Variants in CLCN3 observed in about 807,000 individuals in gnomAD.
The protein encoded by CLCN3 is Cl-/H+ antiporter 3.
CLCN3 carries 16 observed loss-of-function variants against 83.4 expected under a neutral mutation model. That is an observed-to-expected ratio of 0.19 (90% CI 0.13 to 0.29). The LOEUF (loss-of-function observed/expected upper bound fraction) is 0.29, where lower values mean the gene tolerates loss of function less well. Among genes scored for constraint, CLCN3 ranks in the 10% least tolerant of loss-of-function variants. CLCN3 has a pLI of 1.00. For synonymous variants in CLCN3, 322 were observed against 346.2 expected (o/e 0.93, Z 0.78); for missense variants, 544 against 1,006.0 (o/e 0.54, Z 6.21).
intron 1 of CLCN3, among the ~76,000 whole-genome samples, chr4:169,634,847 C>T (rs979159386): frequency 2.5e-4 from 38 of 152,262 alleles, no homozygotes; most frequent in African/African-American, 8.9e-4. Context: ...CTCAAAACTT[C>T]ACCTTTTTCA....
At chr4:169,646,983 T>C (rs1401988253) in intron 2 of CLCN3, among the ~76,000 whole-genome samples, 1 of 152,226 alleles carries the variant, frequency 6.6e-6, no homozygotes, top group East Asian at 1.9e-4. Flanking sequence ...TCCTTTATGA[T>C]AATTTTAGCC....
intron 2 of CLCN3, among the ~76,000 whole-genome samples, chr4:169,661,083 A>G (rs1392135894): frequency 6.6e-6 from 1 of 150,822 alleles, no homozygotes. Flanking sequence ...AGAAAAAATA[A>G]TATTGGTTTG....
At chr4:169,634,771 G>C (rs1230166271) in intron 1 of CLCN3, among the ~76,000 whole-genome samples, 1 of 151,894 alleles carries the variant, frequency 6.6e-6, no homozygotes, top group Non-Finnish European at 1.5e-5. Flanking sequence ...TTTGACATTT[G>C]TTGTTCTTAC....
chr4:169,718,019 C>T (rs1165802947), intron 12 of CLCN3: 1 of 531,838 alleles, frequency 1.9e-6, no homozygotes, highest in Non-Finnish European at 3.4e-6. Context: ...TAAAATGTGT[C>T]TGTAAGATAA....
At chr4:169,623,092 T>TTG (rs1446692955) in intron 1 of CLCN3, among the ~76,000 whole-genome samples, 6 of 151,984 alleles carry the variant, frequency 3.9e-5, no homozygotes, top group African/African-American at 1.4e-4. Flanking sequence ...CCAGAGAGAT[T>TTG]TGATCTGCAA....
chr4:169,709,657 C>T (rs768217247), intron 11 of CLCN3, among the ~76,000 whole-genome samples: 12 of 147,306 alleles, frequency 8.1e-5, no homozygotes, highest in South Asian at 2.1e-4. Flanking sequence ...CCAGCCTGGG[C>T]GAAGAGCAAA....
At chr4:169,713,058 G>C in intron 11 of CLCN3, 21 bp from the exon 12 acceptor site, 2 of 1,589,696 alleles carry the variant, frequency 1.3e-6, no homozygotes, top group Non-Finnish European at 1.7e-6. Flanking sequence ...AAAAGTGTTG[G>C]TCTCTTCTCT....
intron 2 of CLCN3, among the ~76,000 whole-genome samples, chr4:169,672,258 A>ATAGATAGATAGG (rs1212913892): frequency 6.6e-6 from 1 of 152,002 alleles, no homozygotes; most frequent in Non-Finnish European, 1.5e-5. Flanking sequence ...AGATAGATAG[A>ATAGATAGATAGG]TAAAATGAGG....
chr4:169,670,455 G>T (rs1321359540), intron 2 of CLCN3, among the ~76,000 whole-genome samples: 1 of 152,116 alleles, frequency 6.6e-6, no homozygotes, highest in African/African-American at 2.4e-5. Flanking sequence ...TGAGGTCTTT[G>T]TTCTGTTCCG....
intron 6 of CLCN3, 45 bp downstream of exon 6, chr4:169,690,697 T>G (rs1335377928): frequency 6.4e-7 from 1 of 1,563,488 alleles, no homozygotes; most frequent in South Asian, 1.2e-5. Context: ...ATTATGATGC[T>G]TATCTTTTTG....
chr4:169,666,844 A>G (rs1025478524), intron 2 of CLCN3, among the ~76,000 whole-genome samples: 14 of 152,164 alleles, frequency 9.2e-5, no homozygotes, highest in Admixed American at 2.6e-4. Flanking sequence ...GGAGATAATA[A>G]TATCTGTCAC....
intron 1 of CLCN3, among the ~76,000 whole-genome samples, chr4:169,634,775 T>A (rs1208772407): frequency 6.6e-6 from 1 of 152,192 alleles, no homozygotes; most frequent in African/African-American, 2.4e-5. Flanking sequence ...ACATTTGTTG[T>A]TCTTACACTG....
chr4:169,636,583 CTT>C (rs1482312475), intron 2 of CLCN3, among the ~76,000 whole-genome samples: 5 of 152,094 alleles, frequency 3.3e-5, no homozygotes, highest in Admixed American at 6.6e-5. Context: ...ACTGTGTACT[CTT>C]TTATGTCTGT....
intron 12 of CLCN3, 40 bp downstream of exon 12, chr4:169,713,335 T>C (rs1339275123): frequency 8.8e-6 from 13 of 1,472,678 alleles, no homozygotes; most frequent in Non-Finnish European, 1.1e-5. Context: ...CTTGCTAGAA[T>C]ATAGGATCCT....
chr4:169,672,432 G>T (rs573469285), intron 2 of CLCN3, among the ~76,000 whole-genome samples: 1 of 151,774 alleles, frequency 6.6e-6, no homozygotes, highest in African/African-American at 2.4e-5. Context: ...GAGTCACCAC[G>T]CCCAGCCTTT....
chr4:169,622,684 C>T (rs1467230498), intron 1 of CLCN3, among the ~76,000 whole-genome samples: 3 of 152,154 alleles, frequency 2.0e-5, no homozygotes, highest in Non-Finnish European at 2.9e-5. Flanking sequence ...GTTTTACATT[C>T]GTAGAAACTG....
chr4:169,679,107 G>A (rs898488674), intron 2 of CLCN3, among the ~76,000 whole-genome samples: 4 of 151,262 alleles, frequency 2.6e-5, no homozygotes, highest in African/African-American at 9.7e-5. Flanking sequence ...GGCGGCTGCC[G>A]GGCGGAGGGG....
intron 2 of CLCN3, among the ~76,000 whole-genome samples, chr4:169,650,847 A>G (rs1730711154): frequency 6.6e-6 from 1 of 152,178 alleles, no homozygotes; most frequent in Admixed American, 6.5e-5. Context: ...TTAACCTATT[A>G]TACTTATATG....
Position 169,680,076 on chromosome 4 carries a change from G to A in CLCN3, c.187G>A (p.Gly63Ser). ...VGTHYTMTNG[G>S]SINSSTHLLD... The stretch of plus-strand genomic sequence containing the variant: ...AACTCATTATACAATGACAAATGGA[G>A]GCAGCATTAACAGTTCTACACATTT... Residue 63 changes from glycine (G) to serine (S), a missense_variant, in exon 3 of 13, where the codon GGC becomes AGC. Physicochemically the swap from Gly to Ser is moderately conservative, Grantham distance 56. Transcript: ENST00000513761. 6.2e-7 allele frequency: 1 copy of A among 1,612,438 alleles called. No individual in the cohort carries two copies. The highest frequency in any genetic ancestry group is 8.5e-7 in the Non-Finnish European group (1 of 1,178,570).
Sources: allele counts gnomAD v4.1 joint callset (sites outside exome capture counted in the v4.1 genomes callset), GRCh38; gene constraint gnomAD v4.1.1; transcripts MANE v1.5; gene names NCBI Gene and HGNC (gene_info 2026-07-23, HGNC 2026-07-21).